Variants in GRM4 observed in about 807,000 individuals in gnomAD.
The protein encoded by GRM4 is metabotropic glutamate receptor 4.
GRM4 carries 28 observed loss-of-function variants against 81.7 expected under a neutral mutation model. The ratio of observed to expected loss-of-function variants is 0.34; its 90% CI spans 0.25 to 0.47. The LOEUF is 0.47. Among genes scored for constraint, GRM4 ranks in the 20% least tolerant of loss-of-function variants. The pLI, the probability that GRM4 is intolerant of heterozygous loss-of-function variation, is 1.00. For synonymous variants in GRM4, 488 were observed against 528.8 expected, an observed-to-expected ratio of 0.92 and a Z score of 1.06; for missense variants, 948 against 1,290.0, an observed-to-expected ratio of 0.73 and a Z score of 4.06.
chr6:34,057,936 T>C (rs1240289080), intron 5 of GRM4, among the ~76,000 whole-genome samples: 1 of 152,138 alleles, frequency 6.6e-6, no homozygotes, highest in Non-Finnish European at 1.5e-5. Context: ...GGGGCTGGTA[T>C]GGAAACTCTC....
intron 2 of GRM4, among the ~76,000 whole-genome samples, chr6:34,126,175 G>T (rs913911805): frequency 1.3e-5 from 2 of 152,180 alleles, no homozygotes; most frequent in African/African-American, 4.8e-5. Flanking sequence ...TAGATTCAGG[G>T]CCAGATGGCC....
chr6:34,121,533 C>G lies in GRM4; in HGVS notation c.519+11445G>C, dbSNP rs1007365293. ...CCGCTCTACCCAGCCAGAGCTCCCC[C>G]TCCAGGAGATTTCAACTCTGATAGT... On this transcript the variant is annotated intron_variant, in intron 2 of 10. Coordinates refer to ENST00000538487, the MANE Select transcript of GRM4 (RefSeq NM_000841.4). This position sits in a 1 kb window ranked among gnomAD's most constrained non-coding sequence, Gnocchi z 4.6. Among the ~76,000 whole-genome samples the G allele has an allele frequency of 1.3e-5, 2 of 152,250 alleles. No homozygotes were observed. The highest frequency in any genetic ancestry group is 4.8e-5 in the African/African-American group (2 of 41,458).
intron 2 of GRM4, among the ~76,000 whole-genome samples, chr6:34,120,328 A>G (rs1280216430): frequency 6.6e-6 from 1 of 151,966 alleles, no homozygotes; most frequent in Non-Finnish European, 1.5e-5. Context: ...TGAGGGAGGA[A>G]GTCCTGGCCC....
In GRM4 at chr6:34,025,187, TG is replaced by T. The variant is rs376925901; in HGVS notation, c.2690-2318del. Among the ~76,000 whole-genome samples, 289 of 152,304 alleles carry T rather than the reference TG, an allele frequency of 1.9e-3. 1 individual carries two copies. Among genetic ancestry groups the T allele is most frequent in the African/African-American group, 6.5e-3 (272 of 41,562 alleles). Reference sequence around the variant, plus strand: ...CCCTTTTTGCCTAGACTACTTCTCCTGAGGGGCTTCCAACTGCCTCCAACAT... The same window carrying T: ...CCCTTTTTGCCTAGACTACTTCTCCTAGGGGCTTCCAACTGCCTCCAACAT... On this transcript the variant is annotated intron_variant, in intron 10 of 10. Transcript: ENST00000538487.
At chr6:34,103,887 G>A (rs1768981381) in intron 2 of GRM4, 1 of 1,384,250 alleles carries the variant, frequency 7.2e-7, no homozygotes, top group African/African-American at 1.5e-5. Context: ...TGTTACAGAA[G>A]CCTGGGGAGA....
At chr6:34,151,402 T>A (rs1426316112) in intron 1 of GRM4, among the ~76,000 whole-genome samples, 2 of 152,158 alleles carry the variant, frequency 1.3e-5, no homozygotes, top group Non-Finnish European at 2.9e-5. Context: ...TAAAACAACT[T>A]ATCATCTCTC....
At chr6:34,026,845 G>A (rs1248941522) in intron 10 of GRM4, among the ~76,000 whole-genome samples, 1 of 152,210 alleles carries the variant, frequency 6.6e-6, no homozygotes, top group Admixed American at 6.5e-5. Flanking sequence ...CTGGGGAAAA[G>A]CATATCTGAC....
chr6:34,097,098 G>A (rs1269596470), intron 2 of GRM4, among the ~76,000 whole-genome samples: 9 of 152,226 alleles, frequency 5.9e-5, no homozygotes, highest in Admixed American at 1.3e-4. Context: ...ATGAACAACT[G>A]CCGTCAGCGG....
At position 34,100,898 on chromosome 6, in the gene GRM4, T is replaced by C. The variant is rs1768798369; in HGVS notation, c.520-8799A>G. 3.9e-5 allele frequency among the ~76,000 whole-genome samples: 6 copies of C among 152,176 alleles called. No individual in the cohort carries two copies. In the South Asian group the frequency reaches 1.0e-3, roughly 26 times the overall value. On this transcript the variant is annotated intron_variant, in intron 2 of 10. Coordinates refer to ENST00000538487, the MANE Select transcript of GRM4 (RefSeq NM_000841.4). ...GAGCACTGTTCCAGCCCAGCCCGGG[T>C]CCCTGAGTAGAGTGCCTAGCCAACC... is the stretch of plus-strand genomic sequence containing the variant.
At chr6:34,072,757 CCACA>C (rs377045141) in intron 3 of GRM4, among the ~76,000 whole-genome samples, 5,496 of 135,090 alleles carry the variant, frequency 0.041, 238 homozygotes, top group African/African-American at 0.1. Flanking sequence ...TCACCACACA[CCACA>C]CAGATACACA....
At chr6:34,132,820 C>T (rs1402935200) in intron 2 of GRM4, among the ~76,000 whole-genome samples, 158 bp downstream of exon 2, 2 of 152,132 alleles carry the variant, frequency 1.3e-5, no homozygotes, top group Non-Finnish European at 2.9e-5. Context: ...GAAGAGCTGC[C>T]CCAAATTCTC....
At chr6:34,085,675 G>A (rs1453661458) in intron 3 of GRM4, among the ~76,000 whole-genome samples, 1 of 152,252 alleles carries the variant, frequency 6.6e-6, no homozygotes, top group South Asian at 2.1e-4. Flanking sequence ...ACTACTATGT[G>A]CCAGGGCTGT....
At chr6:34,095,492 G>T (rs543937875) in intron 2 of GRM4, among the ~76,000 whole-genome samples, 1 of 152,306 alleles carries the variant, frequency 6.6e-6, no homozygotes, top group Non-Finnish European at 1.5e-5. Flanking sequence ...TTCTTCAGCT[G>T]CACAATGGGA....
At chr6:34,155,182 A>T (rs1033931532) in exon 1 of GRM4, 19 of 1,535,596 alleles carry the variant, frequency 1.2e-5, no homozygotes, top group Admixed American at 2.0e-5. Context: ...GGCCAGGCTC[A>T]CCTGCTCTCC....
At chr6:34,044,607 T>C (rs1765231665) in intron 6 of GRM4, among the ~76,000 whole-genome samples, 1 of 135,492 alleles carries the variant, frequency 7.4e-6, no homozygotes, top group African/African-American at 2.9e-5. Context: ...CACATAGACA[T>C]ACATACATAC....
Position 34,111,144 on chromosome 6 carries a change from C to G in GRM4, c.520-19045G>C, listed in dbSNP as rs969062933. ...ACACACACACACACACACACACACA[C>G]ACACACACACGCCAGGATCCAACCC... is the stretch of plus-strand genomic sequence containing the variant. On this transcript the variant is annotated intron_variant, in intron 2 of 10. Transcript: ENST00000538487. This position sits in a 1 kb window ranked among gnomAD's most constrained non-coding sequence, Gnocchi z 5.1. 7 of 164,274 alleles carry G rather than the reference C, an allele frequency of 4.3e-5. No homozygotes were observed. Among genetic ancestry groups the G allele is most frequent in the Non-Finnish European group, 7.8e-5 (6 of 77,240 alleles). The allele number at this position is 164,274 out of a possible 1,614,324, so 10.2% of individuals were successfully genotyped here.
Position 34,022,303 on chromosome 6 carries a change from A to C in GRM4, c.*518T>G, listed in dbSNP as rs1357592580. 6.2e-6 allele frequency: 1 copy of C among 160,912 alleles called. No individual in the cohort carries two copies. Among genetic ancestry groups the C allele is most frequent in the African/African-American group, 2.4e-5 (1 of 41,554 alleles). 10.0% of individuals were successfully genotyped at this position (160,912 alleles called of 1,614,324 possible). The stretch of plus-strand genomic sequence containing the variant: ...ACGGCAGAAAAGTGACACTGGTGGG[A>C]CCCAAGAAAGCAGGAGGAGCTGAGG... On this transcript the variant is annotated 3_prime_UTR_variant, in exon 11 of 11. Coordinates refer to ENST00000538487, the MANE Select transcript of GRM4 (RefSeq NM_000841.4). The surrounding 1 kb of genome is among the most constrained non-coding windows in gnomAD (Gnocchi z 5.6).
At chr6:34,138,552 T>G (rs1329176520) in intron 1 of GRM4, among the ~76,000 whole-genome samples, 3 of 152,122 alleles carry the variant, frequency 2.0e-5, no homozygotes, top group African/African-American at 7.2e-5. Context: ...GCCTCTCCCC[T>G]CCCCTCAGCT....
At chr6:34,061,581 C>G (rs1332544399) in intron 4 of GRM4, 1 of 273,256 alleles carries the variant, frequency 3.7e-6, no homozygotes, top group Admixed American at 5.0e-5. Context: ...GGTGGGAGAA[C>G]AGCATTAGAA....
Sources: gnomAD v4.1 joint callset for allele counts (sites outside exome capture counted in the v4.1 genomes callset) on GRCh38, gnomAD v4.1.1 for gene constraint, Gnocchi (gnomAD v3.1) non-coding constraint, MANE v1.5 for transcripts, NCBI Gene and HGNC (gene_info 2026-07-23, HGNC 2026-07-21) for gene names.